The following KANSL1L variants were observed in gnomAD, a reference collection of about 807,000 sequenced individuals.
KANSL1L encodes KAT8 regulatory NSL complex subunit 1-like protein.
KANSL1L carries 25 observed loss-of-function variants against 108.6 expected under a neutral mutation model. That is an observed-to-expected ratio of 0.23 (90% CI 0.17 to 0.32). The LOEUF (loss-of-function observed/expected upper bound fraction) is 0.32. Among genes scored for constraint, KANSL1L ranks in the 10% least tolerant of loss-of-function variants. KANSL1L has a pLI of 1.00. For synonymous variants in KANSL1L, 405 were observed against 395.1 expected (o/e 1.03, Z -0.30); for missense variants, 1,137 against 1,125.7 (o/e 1.01, Z -0.14).
intron 5 of KANSL1L, among the ~76,000 whole-genome samples, chr2:210,086,785 TAA>T (rs2125368831): frequency 6.6e-6 from 1 of 152,124 alleles, no homozygotes; most frequent in South Asian, 2.1e-4. Context: ...CTTTAAAAAT[TAA>T]AAATTTAAAT....
intron 6 of KANSL1L, among the ~76,000 whole-genome samples, chr2:210,071,131 C>T (rs142912422): frequency 6.6e-6 from 1 of 152,084 alleles, no homozygotes; most frequent in Non-Finnish European, 1.5e-5. Flanking sequence ...GCACTCCAGC[C>T]TGGGCAACAG....
At chr2:210,127,070 C>CA (rs1482882445) in intron 3 of KANSL1L, among the ~76,000 whole-genome samples, 2 of 151,642 alleles carry the variant, frequency 1.3e-5, no homozygotes, top group East Asian at 1.9e-4. Context: ...AAAACAAAAA[C>CA]AAAAAAACCC....
At chr2:210,064,388 G>A (rs1326086979) in intron 6 of KANSL1L, 1 of 152,128 alleles carries the variant, frequency 6.6e-6, no homozygotes, top group Non-Finnish European at 1.5e-5. Flanking sequence ...GCAAAGTCAA[G>A]TAAAAATGCA....
chr2:210,110,347 C>A (rs925545969), intron 3 of KANSL1L, among the ~76,000 whole-genome samples: 3 of 152,178 alleles, frequency 2.0e-5, no homozygotes, highest in Non-Finnish European at 2.9e-5. Context: ...CTTTATTATT[C>A]AAAGGTTTTC....
At chr2:210,057,509 G>A (rs989980523) in intron 6 of KANSL1L, among the ~76,000 whole-genome samples, 1 of 152,146 alleles carries the variant, frequency 6.6e-6, no homozygotes. Flanking sequence ...AGACCATCCT[G>A]GGTAACATGG....
At chr2:210,159,412 T>C (rs528711694) in intron 1 of KANSL1L, among the ~76,000 whole-genome samples, 2 of 152,352 alleles carry the variant, frequency 1.3e-5, no homozygotes, top group Admixed American at 6.5e-5. Context: ...TCTTGGTTCA[T>C]GACTCTCCAT....
At chr2:210,155,682 G>C (rs1046128400) in intron 1 of KANSL1L, among the ~76,000 whole-genome samples, 1 of 152,096 alleles carries the variant, frequency 6.6e-6, no homozygotes, top group Non-Finnish European at 1.5e-5. Flanking sequence ...TCCATATATT[G>C]ATTCGCAGAA....
chr2:210,106,466 T>C (rs2094847456), intron 3 of KANSL1L, among the ~76,000 whole-genome samples: 1 of 152,118 alleles, frequency 6.6e-6, no homozygotes, highest in African/African-American at 2.4e-5. Flanking sequence ...AAGAATTATA[T>C]TTTTAAAATT....
intron 5 of KANSL1L, among the ~76,000 whole-genome samples, chr2:210,096,041 A>G (rs2094732854): frequency 6.6e-6 from 1 of 152,202 alleles, no homozygotes; most frequent in African/African-American, 2.4e-5. Context: ...AAACATTTTC[A>G]TAGGTTTTGA....
At chr2:210,048,907 A>G (rs1394028236) in intron 6 of KANSL1L, among the ~76,000 whole-genome samples, 1 of 152,226 alleles carries the variant, frequency 6.6e-6, no homozygotes, top group African/African-American at 2.4e-5. Flanking sequence ...AAACAAAAAC[A>G]AAAACACTTG....
Position 210,148,187 on chromosome 2 carries a change from T to C in KANSL1L, c.1088+5308A>G, listed in dbSNP as rs532979098. Among the ~76,000 whole-genome samples, 4 of 152,306 alleles carry C rather than the reference T, an allele frequency of 2.6e-5. No homozygotes were observed. In the East Asian group the frequency reaches 5.8e-4, roughly 22 times the overall value. On this transcript the variant is annotated intron_variant, in intron 2 of 14. Transcript: ENST00000281772. ...AAACAATTGTGTGATCTGGAAGATA[T>C]TGGTAGGTTTCCTGGAATAAGACAA...
chr2:210,050,551 T>C (rs1056936147), intron 6 of KANSL1L, among the ~76,000 whole-genome samples: 1 of 151,986 alleles, frequency 6.6e-6, no homozygotes, highest in Non-Finnish European at 1.5e-5. Flanking sequence ...GGGGATACAG[T>C]GGATGCCTAA....
chr2:210,157,691 G>GAAAAAAAAAAAAAAAAAA (rs56676129), intron 1 of KANSL1L, among the ~76,000 whole-genome samples: 1 of 47,168 alleles, frequency 2.1e-5, no homozygotes. Context: ...CACTGTCACA[G>GAAAAAAAAAAAAAAAAAA]AAAAAAAAAA....
At chr2:210,075,272 T>C (rs1230420708) in intron 6 of KANSL1L, among the ~76,000 whole-genome samples, 2 of 152,150 alleles carry the variant, frequency 1.3e-5, no homozygotes, top group African/African-American at 4.8e-5. Context: ...CATCTTGACA[T>C]TTCATTTTCT....
chr2:210,059,687 C>G (rs143500697), intron 6 of KANSL1L, among the ~76,000 whole-genome samples: 1 of 152,054 alleles, frequency 6.6e-6, no homozygotes, highest in Admixed American at 6.6e-5. Context: ...TAAGATAATT[C>G]CCATTGTCTA....
At chr2:210,160,083 G>C (rs1363552410) in intron 1 of KANSL1L, among the ~76,000 whole-genome samples, 1 of 152,130 alleles carries the variant, frequency 6.6e-6, no homozygotes, top group East Asian at 1.9e-4. Flanking sequence ...ATAGACTAAA[G>C]AGAAACCATA....
At chr2:210,087,764 C>T (rs116636977) in intron 5 of KANSL1L, among the ~76,000 whole-genome samples, 2,445 of 152,250 alleles carry the variant, frequency 0.016, 30 homozygotes, top group Non-Finnish European at 0.026. Context: ...ACATTTGTTA[C>T]CTCATTTGAT....
chr2:210,151,241 G>A (rs1456256436), intron 2 of KANSL1L, among the ~76,000 whole-genome samples: 7 of 152,000 alleles, frequency 4.6e-5, no homozygotes, highest in South Asian at 2.1e-4. Flanking sequence ...GGCTGGTCTC[G>A]AACTTCTGGG....
At chr2:210,036,507 C>T (rs1350183937) in intron 8 of KANSL1L, among the ~76,000 whole-genome samples, 1 of 151,982 alleles carries the variant, frequency 6.6e-6, no homozygotes, top group African/African-American at 2.4e-5. Flanking sequence ...CATCTATGTC[C>T]ATTATACTAT....
Sources: allele counts gnomAD v4.1 joint callset (sites outside exome capture counted in the v4.1 genomes callset), GRCh38; gene constraint gnomAD v4.1.1; transcripts MANE v1.5; gene names NCBI Gene and HGNC (gene_info 2026-07-23, HGNC 2026-07-21).